Variants in RSPH10B2 observed in about 807,000 individuals in gnomAD.
RSPH10B2 encodes the protein radial spoke head 10 homolog B2 (Chlamydomonas).
RSPH10B2 carries 9 observed loss-of-function variants against 49.0 expected under a neutral mutation model. The observed-to-expected ratio is 0.18, with a 90% CI of 0.11 to 0.32. RSPH10B2 has a LOEUF of 0.32. RSPH10B2 is among the 10% of genes least tolerant of loss of function. The pLI, the probability that RSPH10B2 is intolerant of heterozygous loss-of-function variation, is 1.00. For synonymous variants in RSPH10B2, 35 were observed against 210.2 expected, an observed-to-expected ratio of 0.17 and a Z score of 7.21; for missense variants, 95 against 589.9, an observed-to-expected ratio of 0.16 and a Z score of 8.69.
chr7:6,791,103 G>A (rs1368620437), intron 16 of RSPH10B2, among the ~76,000 whole-genome samples: 2 of 138,036 alleles, frequency 1.4e-5, no homozygotes, highest in African/African-American at 2.7e-5. Context: ...CCGGGTTCAC[G>A]CCATTCTCCT....
upstream of RSPH10B2, among the ~76,000 whole-genome samples, chr7:6,756,137 G>C (rs1370076217): frequency 6.8e-6 from 1 of 147,268 alleles, no homozygotes; most frequent in Non-Finnish European, 1.5e-5. Flanking sequence ...AGGTGTGGTG[G>C]TGGGTGCCTG....
At chr7:6,793,977 G>T (rs1407940537) in intron 17 of RSPH10B2, among the ~76,000 whole-genome samples, 2 of 152,100 alleles carry the variant, frequency 1.3e-5, no homozygotes, top group African/African-American at 4.8e-5. Context: ...AGGCATCTTG[G>T]GGGGCTGTGT....
chr7:6,768,161 A>T (rs1423456834), intron 6 of RSPH10B2, among the ~76,000 whole-genome samples: 8 of 141,848 alleles, frequency 5.6e-5, no homozygotes, highest in Admixed American at 1.4e-4. Context: ...TAGCCTGGGT[A>T]ACAGAGTGAG....
Position 6,786,009 on chromosome 7 carries a change from GATAAT to G in RSPH10B2, c.1820_1824del (p.Asp607AlafsTer5), listed in dbSNP as rs1468255404. ...TACATTTATGGAGGTCATAGCAGAG[GATAAT>G]CGTTTCATATATGATGGAATTGACA... On this transcript the variant is annotated frameshift_variant, in exon 14 of 19. Transcript: ENST00000297186. LOFTEE classifies it high-confidence loss of function. 1 of 1,064,000 alleles carries G rather than the reference GATAAT, an allele frequency of 9.4e-7. No homozygotes were observed. Among genetic ancestry groups the G allele is most frequent in the African/African-American group, 1.7e-5 (1 of 58,122 alleles). 65.9% of individuals were successfully genotyped at this position (1,064,000 alleles called of 1,614,324 possible).
chr7:6,763,242 C>T (rs909508869), intron 3 of RSPH10B2, among the ~76,000 whole-genome samples: 1 of 50,178 alleles, frequency 2.0e-5, no homozygotes, highest in Non-Finnish European at 3.6e-5. Context: ...TCGAGACCAG[C>T]CTGGCCAACA....
chr7:6,771,956 C>CCCAG (rs1264151155), intron 8 of RSPH10B2, among the ~76,000 whole-genome samples: 2 of 147,756 alleles, frequency 1.4e-5, no homozygotes, highest in Non-Finnish European at 3.0e-5. Flanking sequence ...TTGCAGTGAG[C>CCCAG]CCAGACTGCA....
intron 1 of RSPH10B2, among the ~76,000 whole-genome samples, chr7:6,758,238 C>T (rs1200901958): frequency 6.8e-6 from 1 of 146,224 alleles, no homozygotes; most frequent in African/African-American, 2.7e-5. Context: ...CCTCAGCCTC[C>T]CAAAGTGCTG....
upstream of RSPH10B2, among the ~76,000 whole-genome samples, chr7:6,756,171 G>C (rs1781076714): frequency 6.9e-6 from 1 of 143,992 alleles, no homozygotes; most frequent in Non-Finnish European, 1.5e-5. Context: ...TCAGGAGGCT[G>C]AGGCAGGAGA....
chr7:6,793,076 T>C (rs1782406946), intron 17 of RSPH10B2, among the ~76,000 whole-genome samples: 1 of 109,130 alleles, frequency 9.2e-6, no homozygotes, highest in African/African-American at 3.7e-5. Flanking sequence ...TTTTTTTTTT[T>C]TTTTTTTTTT....
intron 3 of RSPH10B2, chr7:6,761,674 G>A (rs1309750235): frequency 3.3e-5 from 5 of 152,666 alleles, no homozygotes; most frequent in Non-Finnish European, 7.3e-5. Flanking sequence ...CTGGGTTCAA[G>A]CAATTCTCCT....
chr7:6,780,390 A>G (rs2115450162), intron 11 of RSPH10B2, among the ~76,000 whole-genome samples: 1 of 119,070 alleles, frequency 8.4e-6, no homozygotes, highest in Middle Eastern at 4.2e-3. Context: ...TTATTTACAT[A>G]TTTATTTTTT....
In RSPH10B2 at chr7:6,792,932, C is replaced by T. The variant is rs1351878720; in HGVS notation, c.2233+935C>T. On this transcript the variant is annotated intron_variant, in intron 17 of 18. Transcript: ENST00000297186. ...GGATTACAGGCACCCATCACTGCAC[C>T]TTGTATTTTTAGTAGATGGGGTTTC... Among the ~76,000 whole-genome samples, 19 of 114,384 alleles carry T rather than the reference C, an allele frequency of 1.7e-4. 2 individuals carry two copies. Among genetic ancestry groups the T allele is most frequent in the Non-Finnish European group, 1.2e-4 (7 of 57,374 alleles). The allele number at this position is 114,384 out of a possible 152,430, so 75.0% of individuals were successfully genotyped here.
At chr7:6,781,798 C>T (rs1781944089) in intron 13 of RSPH10B2, among the ~76,000 whole-genome samples, 1 of 111,082 alleles carries the variant, frequency 9.0e-6, no homozygotes, top group African/African-American at 3.5e-5. Flanking sequence ...GGGCGGATCA[C>T]CTGAGGTCAA....
In RSPH10B2 at chr7:6,783,272, C is replaced by T. The variant is rs1215151197; in HGVS notation, c.1758+1796C>T. Reference sequence around the variant, plus strand: ...ATCTCAATCTCTTGACCTCGTGATCCGCCCGTGTCGGACTCCCAAAGTGCT... The same window carrying T: ...ATCTCAATCTCTTGACCTCGTGATCTGCCCGTGTCGGACTCCCAAAGTGCT... On this transcript the variant is annotated intron_variant, in intron 13 of 18. Coordinates refer to ENST00000297186, the Ensembl canonical transcript of RSPH10B2. Among the ~76,000 whole-genome samples, 27 of 115,038 alleles carry T rather than the reference C, an allele frequency of 2.3e-4. 4 individuals are homozygous for T. Among genetic ancestry groups the T allele is most frequent in the East Asian group, 5.3e-4 (2 of 3,802 alleles). 75.5% of individuals were successfully genotyped at this position (115,038 alleles called of 152,430 possible). A position where few individuals can be genotyped will look rare whatever the true frequency, so the allele number is the denominator to read the frequency against.
At chr7:6,756,130 T>C (rs556711804), upstream of RSPH10B2, among the ~76,000 whole-genome samples, 1,011 of 147,188 alleles carry the variant, frequency 6.9e-3, 12 homozygotes, top group African/African-American at 0.024. Context: ...ATTAGCCAGG[T>C]GTGGTGGTGG....
intron 1 of RSPH10B2, among the ~76,000 whole-genome samples, chr7:6,758,828 G>A (rs1395073067): frequency 7.6e-6 from 1 of 131,476 alleles, no homozygotes. Context: ...CAGCCCGGGC[G>A]ACAGAGTGAG....
intron 17 of RSPH10B2, among the ~76,000 whole-genome samples, chr7:6,796,353 G>T (rs1782563681): frequency 8.0e-6 from 1 of 124,480 alleles, no homozygotes; most frequent in South Asian, 3.4e-4. Context: ...GAGGTAGCAG[G>T]AAACTCAAAG....
Position 6,797,095 on chromosome 7 carries a change from G to A in RSPH10B2, c.2432+329G>A, listed in dbSNP as rs1782607385. On this transcript the variant is annotated intron_variant, in intron 18 of 18. Coordinates refer to ENST00000297186, the Ensembl canonical transcript of RSPH10B2. ...ATGATCTCAGCTCACTGCAACCTCC[G>A]CCTCCCGGGTTCAAGCGATTCTCTT... Among the ~76,000 whole-genome samples, 3 of 141,544 alleles carry A rather than the reference G, an allele frequency of 2.1e-5. 1 individual carries two copies. Among genetic ancestry groups the A allele is most frequent in the Admixed American group, 1.5e-4 (2 of 13,150 alleles). The allele number at this position is 141,544 out of a possible 152,430, so 92.9% of individuals were successfully genotyped here.
At chr7:6,785,405 TG>T (rs1782114997) in intron 13 of RSPH10B2, among the ~76,000 whole-genome samples, 1 of 152,306 alleles carries the variant, frequency 6.6e-6, no homozygotes, top group Admixed American at 6.5e-5. Context: ...CCCCAACGCC[TG>T]GGCTCAAGTG....
Sources: allele counts gnomAD v4.1 joint callset (sites outside exome capture counted in the v4.1 genomes callset), GRCh38; gene constraint gnomAD v4.1.1; transcripts MANE v1.5; gene names NCBI Gene and HGNC (gene_info 2026-07-23, HGNC 2026-07-21).